Variants in EXT1 observed in about 807,000 individuals in gnomAD.
EXT1 encodes exostosin-1.
A neutral mutation model predicts 82.5 loss-of-function variants in EXT1; 20 were observed. The observed-to-expected ratio is 0.24, with a 90% CI of 0.17 to 0.35. The LOEUF is 0.35. EXT1 is among the 10% of genes least tolerant of loss of function. The pLI is 1.00. For missense variants in EXT1, 757 were observed against 936.5 expected (o/e 0.81, Z 2.50); for synonymous variants, 348 against 350.8 (o/e 0.99, Z 0.09).
At chr8:117,951,146 A>C (rs1379751282) in intron 1 of EXT1, among the ~76,000 whole-genome samples, 1 of 152,196 alleles carries the variant, frequency 6.6e-6, no homozygotes, top group African/African-American at 2.4e-5. Context: ...GTGAGAGAAG[A>C]GGTAATGTTT....
chr8:117,984,449 C>CAAAACAA (rs1554591237), intron 1 of EXT1, among the ~76,000 whole-genome samples: 2 of 130,968 alleles, frequency 1.5e-5, no homozygotes, highest in East Asian at 2.2e-4. Flanking sequence ...CAAAACAAAA[C>CAAAACAA]AAAAAAAAAA....
At chr8:117,814,953 C>G (rs544720448) in intron 7 of EXT1, among the ~76,000 whole-genome samples, 1 of 152,178 alleles carries the variant, frequency 6.6e-6, no homozygotes, top group Admixed American at 6.5e-5. Flanking sequence ...AACTCATCTC[C>G]AAGAGCTCAA....
intron 1 of EXT1, among the ~76,000 whole-genome samples, chr8:117,963,515 G>C (rs1015173968): frequency 1.3e-5 from 2 of 151,986 alleles, no homozygotes; most frequent in Non-Finnish European, 2.9e-5. Flanking sequence ...TTTTGAGACA[G>C]GGTCTCACTC....
intron 1 of EXT1, among the ~76,000 whole-genome samples, chr8:117,973,623 C>T (rs1289003043): frequency 6.6e-6 from 1 of 151,708 alleles, no homozygotes; most frequent in Non-Finnish European, 1.5e-5. Context: ...TAAACATTTC[C>T]TGGGCATGGT....
At chr8:117,927,798 T>C (rs534890983) in intron 1 of EXT1, among the ~76,000 whole-genome samples, 15 of 152,256 alleles carry the variant, frequency 9.9e-5, no homozygotes, top group South Asian at 6.2e-4. Context: ...CTTCGTTTAA[T>C]GCTCTGCTGT....
rs79882309 is a variant in EXT1 at position 117,974,381 on chromosome 8, C to T, written c.962+135704G>A. On this transcript the variant is annotated intron_variant, in intron 1 of 10. Transcript: ENST00000378204. Reference sequence around the variant, plus strand: ...GCCCTCTTCCCTGCTGTAGTATCTCCTCCATGCTTCCTCATCTGCTCCATG... The same window carrying T: ...GCCCTCTTCCCTGCTGTAGTATCTCTTCCATGCTTCCTCATCTGCTCCATG... Among the ~76,000 whole-genome samples the T allele has an allele frequency of 3.9e-5, 6 of 152,306 alleles. No homozygotes were observed. In the East Asian group the frequency reaches 1.2e-3, roughly 29 times the overall value.
At chr8:117,972,586 C>T (rs992075597) in intron 1 of EXT1, among the ~76,000 whole-genome samples, 2 of 152,126 alleles carry the variant, frequency 1.3e-5, no homozygotes, top group Non-Finnish European at 1.5e-5. Flanking sequence ...AATGCAAAAT[C>T]GAATACCAAT....
At chr8:117,847,836 G>A (rs1812387517) in intron 1 of EXT1, among the ~76,000 whole-genome samples, 1 of 152,198 alleles carries the variant, frequency 6.6e-6, no homozygotes. Flanking sequence ...CTGCATTCTT[G>A]TCAGTGTTTA....
chr8:117,897,979 C>T (rs2129960154), intron 1 of EXT1, among the ~76,000 whole-genome samples: 1 of 152,244 alleles, frequency 6.6e-6, no homozygotes. Context: ...TATTATTGAA[C>T]ATAAGGCATG....
intron 1 of EXT1, among the ~76,000 whole-genome samples, chr8:118,049,129 G>C (rs1453989697): frequency 6.6e-6 from 1 of 152,104 alleles, no homozygotes; most frequent in Non-Finnish European, 1.5e-5. Flanking sequence ...AAAACAGGTA[G>C]AAGTTAATTT....
At chr8:118,030,427 A>G (rs1816289155) in intron 1 of EXT1, among the ~76,000 whole-genome samples, 1 of 152,210 alleles carries the variant, frequency 6.6e-6, no homozygotes, top group African/African-American at 2.4e-5. Flanking sequence ...TTTATCAGGA[A>G]TAAACTCATC....
At chr8:118,085,398 C>A (rs74802238) in intron 1 of EXT1, among the ~76,000 whole-genome samples, 3,937 of 151,236 alleles carry the variant, frequency 0.026, 69 homozygotes, top group Non-Finnish European at 0.038. Context: ...ATCGGGCCAG[C>A]TTCATCAGAA....
At position 118,061,377 on chromosome 8, in the gene EXT1, G is replaced by A. The variant is rs533824968; in HGVS notation, c.962+48708C>T. 3.9e-5 allele frequency among the ~76,000 whole-genome samples: 6 copies of A among 152,332 alleles called. No homozygotes were observed. The East Asian group carries it at 1.2e-3, about 29-fold the overall frequency. On this transcript the variant is annotated intron_variant, in intron 1 of 10. Transcript: ENST00000378204. ...TAAATCAAGAGTCTCCAAGTTGAGA[G>A]GTTGTATGTGTTATGATTTAGAGAT... is the stretch of plus-strand genomic sequence containing the variant.
chr8:117,891,367 T>G (rs762842640), intron 1 of EXT1, among the ~76,000 whole-genome samples: 7 of 152,228 alleles, frequency 4.6e-5, no homozygotes, highest in Non-Finnish European at 8.8e-5. Flanking sequence ...AACAGCCTGA[T>G]GATATGCCAA....
intron 1 of EXT1, among the ~76,000 whole-genome samples, chr8:118,086,196 C>T: frequency 6.6e-6 from 1 of 152,184 alleles, no homozygotes; most frequent in East Asian, 1.9e-4. Context: ...TATTGCCTAT[C>T]ACGTACATGG....
intron 3 of EXT1, among the ~76,000 whole-genome samples, chr8:117,831,288 T>C (rs1026729749): frequency 3.3e-5 from 5 of 152,166 alleles, no homozygotes; most frequent in African/African-American, 1.2e-4. Flanking sequence ...GGGGATAAAG[T>C]ACTAAGGTTT....
chr8:117,957,264 T>G (rs763904561), intron 1 of EXT1, among the ~76,000 whole-genome samples: 55 of 152,250 alleles, frequency 3.6e-4, no homozygotes, highest in Non-Finnish European at 6.3e-4. Context: ...TTTGGAAGAC[T>G]GCTAAAACAA....
chr8:117,901,166 G>C (rs776201028), intron 1 of EXT1, among the ~76,000 whole-genome samples: 10 of 152,176 alleles, frequency 6.6e-5, no homozygotes, highest in Non-Finnish European at 1.5e-4. Flanking sequence ...TGCGGTATTA[G>C]GAGATTTTGC....
intron 1 of EXT1, among the ~76,000 whole-genome samples, chr8:117,998,453 G>A (rs564233888): frequency 1.2e-3 from 183 of 152,080 alleles, no homozygotes; most frequent in Non-Finnish European, 2.2e-3. Context: ...TAAGACAACA[G>A]GTATGTGCCA....
Sources: gnomAD v4.1 joint callset for allele counts (sites outside exome capture counted in the v4.1 genomes callset) on GRCh38, gnomAD v4.1.1 for gene constraint, MANE v1.5 for transcripts, NCBI Gene and HGNC (gene_info 2026-07-23, HGNC 2026-07-21) for gene names.